Variants in ABCC3 observed in about 807,000 individuals in gnomAD.
The protein encoded by ABCC3 is ATP binding cassette subfamily C member 3.
ABCC3 carries 121 observed loss-of-function variants against 165.3 expected under a neutral mutation model. The ratio of observed to expected loss-of-function variants is 0.73; its 90% confidence interval spans 0.63 to 0.85. ABCC3 has a LOEUF of 0.85. Among genes scored for constraint, ABCC3 ranks in the 40% least tolerant of loss-of-function variants. The probability of loss-of-function intolerance (pLI) is 0.00; values close to 1 mark genes in which losing one functional copy is unlikely to be tolerated. For missense variants in ABCC3, 1,869 were observed against 1,964.1 expected (o/e 0.95, Z 0.92); for synonymous variants, 733 against 810.1 (o/e 0.90, Z 1.62).
intron 8 of ABCC3, chr17:50,663,443 T>G: frequency 1.8e-6 from 1 of 547,680 alleles, no homozygotes; most frequent in Non-Finnish European, 3.3e-6. Flanking sequence ...GCGTCATCGA[T>G]AGGGCGTGCA....
intron 1 of ABCC3, among the ~76,000 whole-genome samples, chr17:50,646,891 T>A (rs1221894920): frequency 2.0e-5 from 3 of 152,230 alleles, no homozygotes; most frequent in Non-Finnish European, 2.9e-5. Context: ...TTATTTTTTA[T>A]TTTTTTGAGA....
At chr17:50,689,519 G>T (rs1597864019) in intron 30 of ABCC3, among the ~76,000 whole-genome samples, 1 of 152,354 alleles carries the variant, frequency 6.6e-6, no homozygotes, top group Middle Eastern at 3.4e-3. Flanking sequence ...CTTTGAAGGA[G>T]TATAGTGGGA....
Position 50,674,036 on chromosome 17 carries a change from CTTTCTTTCTTTCTT to C in ABCC3, c.2599+380_2599+393del, listed in dbSNP as rs1416149869. Among the ~76,000 whole-genome samples the C allele has an allele frequency of 1.7e-4, 4 of 23,222 alleles. 1 individual carries two copies. Among genetic ancestry groups the C allele is most frequent in the South Asian group, 2.5e-3 (2 of 812 alleles). 15.2% of individuals were successfully genotyped at this position (23,222 alleles called of 152,430 possible). ...TCTCTCTCTCTCTCTCTCTCTCTCT[CTTTCTTTCTTTCTT>C]TCTTTCTTTCTTTCTTTCTTTCTTT... On this transcript the variant is annotated intron_variant, in intron 19 of 30. Coordinates refer to ENST00000285238, the MANE Select transcript of ABCC3 (RefSeq NM_003786.4).
intron 26 of ABCC3, among the ~76,000 whole-genome samples, chr17:50,681,509 C>T (rs1414983601): frequency 6.6e-6 from 1 of 152,120 alleles, no homozygotes; most frequent in Non-Finnish European, 1.5e-5. Flanking sequence ...CATCCACATG[C>T]AAAAATATTC....
Position 50,684,731 on chromosome 17 carries a change from C to T in ABCC3, c.4136C>T (p.Thr1379Ile). The change falls in exon 29 of 31, where the codon ACC becomes ATC. Residue 1379 changes from threonine (T) to isoleucine (I), a missense_variant. Physicochemically the swap from Thr to Ile is moderately conservative, Grantham distance 89 (BLOSUM62 -1). Transcript: ENST00000285238. ...CAGGACCCCATCCTGTTCTCGGGGACCCTGCGCATGAACCTGGACCCCTTC... is the reference window on the plus strand; with the variant it reads ...CAGGACCCCATCCTGTTCTCGGGGATCCTGCGCATGAACCTGGACCCCTTC... ...IPQDPILFSG[T>I]LRMNLDPFGS... The T allele has an allele frequency of 1.2e-6, 2 of 1,614,098 alleles. No homozygotes were observed. Among genetic ancestry groups the T allele is most frequent in the Non-Finnish European group, 1.7e-6 (2 of 1,180,016 alleles).
At chr17:50,681,167 G>T (rs534012435) in intron 26 of ABCC3, among the ~76,000 whole-genome samples, 25 of 151,714 alleles carry the variant, frequency 1.6e-4, no homozygotes, top group African/African-American at 5.3e-4. Flanking sequence ...GCTTCCCCAA[G>T]AAGCCCATGT....
Position 50,658,130 on chromosome 17 carries a change from G to A in ABCC3, c.535G>A (p.Ala179Thr), listed in dbSNP as rs1292755800. 1 of 1,614,042 alleles carries A rather than the reference G, an allele frequency of 6.2e-7. No homozygotes were observed. Among genetic ancestry groups the A allele is most frequent in the African/African-American group, 1.3e-5 (1 of 74,914 alleles). The change falls in exon 5 of 31, where the codon GCC becomes ACC. Residue 179 changes from alanine (A) to threonine (T), a missense_variant. Coordinates refer to ENST00000285238, the MANE Select transcript of ABCC3 (RefSeq NM_003786.4). ...FRFTTFYIHF[A>T]LVLSALILAC... is the part of the protein sequence containing the mutation. Reference sequence around the variant, plus strand: ...CTTCACCACCTTCTACATCCACTTTGCCCTGGTACTCTCTGCCCTCATCTT... The same window carrying A: ...CTTCACCACCTTCTACATCCACTTTACCCTGGTACTCTCTGCCCTCATCTT...
At position 50,669,463 on chromosome 17, in the gene ABCC3, G is replaced by A; in HGVS notation, c.2176G>A (p.Ala726Thr). ...CAAGCGCTACCAGCAGACTCTGGAG[G>A]CCTGTGCCTTGCTAGCTGACCTGGA... Reference protein sequence around the residue: ...NPKRYQQTLEACALLADLEML... With the variant: ...NPKRYQQTLETCALLADLEML... Residue 726 changes from alanine to threonine, a missense_variant, in exon 17 of 31, where the codon GCC becomes ACC. Transcript: ENST00000285238. 1 of 1,614,262 alleles carries A rather than the reference G, an allele frequency of 6.2e-7. No homozygotes were observed. Among genetic ancestry groups the A allele is most frequent in the Non-Finnish European group, 8.5e-7 (1 of 1,180,046 alleles).
At chr17:50,635,891 T>C (rs1381245459) in intron 1 of ABCC3, 3 of 298,228 alleles carry the variant, frequency 1.0e-5, no homozygotes, top group South Asian at 7.9e-5. Flanking sequence ...TCTAAAAAAA[T>C]AAATAAATAA....
rs1296179056 is a variant in ABCC3 at position 50,673,606 on chromosome 17, CT to C, written c.2548del (p.Cys850AlafsTer29). 6.2e-7 allele frequency: 1 copy of C among 1,614,240 alleles called. No homozygotes were observed. The highest frequency in any genetic ancestry group is 8.5e-7 in the Non-Finnish European group (1 of 1,180,042). Reference protein sequence around the residue: ...QRNGSFANFLCNYAPDEDQGH... With the variant: ...QRNGSFANFLXNYAPDEDQGH... The stretch of plus-strand genomic sequence containing the variant: ...GCAACGGCTCCTTTGCCAACTTTCT[CT>C]GCAACTATGCCCCCGATGAGGACCA... On this transcript the variant is annotated frameshift_variant, in exon 19 of 31. Transcript: ENST00000285238. LOFTEE classifies it high-confidence loss of function.
chr17:50,687,835 G>T (rs1048678343), intron 30 of ABCC3, 105 bp downstream of exon 30: 1 of 1,208,394 alleles, frequency 8.3e-7, no homozygotes. Context: ...ATGTTCCTGG[G>T]ATTGCTAGGG....
At chr17:50,658,964 G>T (rs79993770) in intron 6 of ABCC3, among the ~76,000 whole-genome samples, 1 of 152,352 alleles carries the variant, frequency 6.6e-6, no homozygotes, top group East Asian at 1.9e-4. Flanking sequence ...CCCAGGCAGC[G>T]TGGATTCCAT....
chr17:50,656,674 C>T (rs965647362), intron 2 of ABCC3, 28 bp from the exon 3 acceptor site: 41 of 1,594,234 alleles, frequency 2.6e-5, no homozygotes, highest in Middle Eastern at 1.7e-4. Context: ...TCTGGGGATG[C>T]GGATTCCAAC....
rs897886315 is a variant in ABCC3, at chr17:50,664,280, C to T, written c.1338+169C>T. The T allele has an allele frequency of 4.2e-5, 35 of 835,124 alleles. 1 individual carries two copies. The highest frequency in any genetic ancestry group is 2.8e-4 in the South Asian group (16 of 57,260). 51.7% of individuals were successfully genotyped at this position (835,124 alleles called of 1,614,324 possible). A position where few individuals can be genotyped will look rare whatever the true frequency, so the allele number is the denominator to read the frequency against. On this transcript the variant is annotated intron_variant, in intron 10 of 30. Transcript: ENST00000285238. ...CAAGAGTTCTGGCTGCAGTGCGCCA[C>T]GATTGTGCCTGCGAATAGCCACCAC...
intron 17 of ABCC3, 109 bp downstream of exon 17, chr17:50,669,637 T>C (rs939739156): frequency 1.7e-6 from 2 of 1,156,792 alleles, no homozygotes; most frequent in Non-Finnish European, 2.5e-6. Context: ...TGTAACGTTA[T>C]GCCCAACTCT....
intron 11 of ABCC3, among the ~76,000 whole-genome samples, chr17:50,666,485 A>G (rs1190120661): frequency 1.3e-5 from 2 of 151,948 alleles, no homozygotes; most frequent in South Asian, 4.1e-4. Flanking sequence ...AAAAAAAGTC[A>G]CTTCCTCCAG....
chr17:50,679,987 C>A, intron 26 of ABCC3, 88 bp downstream of exon 26: 5 of 959,972 alleles, frequency 5.2e-6, no homozygotes, highest in Admixed American at 4.0e-5. Context: ...AACATCAGGG[C>A]CTGCCACGTA....
At chr17:50,657,236 A>G in intron 4 of ABCC3, 53 bp downstream of exon 4, 6 of 1,591,002 alleles carry the variant, frequency 3.8e-6, no homozygotes, top group Non-Finnish European at 5.1e-6. Context: ...TAGGAGGGTG[A>G]CCTCAGGGTT....
chr17:50,691,475 C>G lies in ABCC3; in HGVS notation c.*275C>G, dbSNP rs1224289281. On this transcript the variant is annotated 3_prime_UTR_variant, in exon 31 of 31. Coordinates refer to ENST00000285238, the MANE Select transcript of ABCC3 (RefSeq NM_003786.4). ...CCAACTGAGTGTTATTTGCACACTG[C>G]ACTGTTTTCAAATAACGATTTTATG... 3.4e-6 allele frequency: 1 copy of G among 291,258 alleles called. No homozygotes were observed. The highest frequency in any genetic ancestry group is 6.6e-5 in the East Asian group (1 of 15,086). 18.0% of individuals were successfully genotyped at this position (291,258 alleles called of 1,614,324 possible).
Sources: gnomAD v4.1 joint callset for allele counts (sites outside exome capture counted in the v4.1 genomes callset) on GRCh38, gnomAD v4.1.1 for gene constraint, MANE v1.5 for transcripts, NCBI Gene and HGNC (gene_info 2026-07-23, HGNC 2026-07-21) for gene names.